The following CCDC83 variants were observed in gnomAD, a reference collection of about 807,000 sequenced individuals.
CCDC83 encodes coiled-coil domain containing 83.
CCDC83 carries 54 observed loss-of-function variants against 50.1 expected under a neutral mutation model. The observed-to-expected ratio is 1.08, with a 90% CI of 0.87 to 1.35. CCDC83 has a LOEUF of 1.35. Ranked by LOEUF, CCDC83 falls within the 40% of genes most tolerant of loss-of-function variation. The pLI is 0.00. For missense variants in CCDC83, 518 were observed against 473.9 expected, an observed-to-expected ratio of 1.09 and a Z score of -0.86; for synonymous variants, 161 against 153.3, an observed-to-expected ratio of 1.05 and a Z score of -0.37.
chr11:85,906,045 C>A (rs1290314131), intron 7 of CCDC83, among the ~76,000 whole-genome samples: 1 of 150,618 alleles, frequency 6.6e-6, no homozygotes, highest in Non-Finnish European at 1.5e-5. Context: ...AAAGTATGAT[C>A]CTAATCAAAT....
upstream of CCDC83, chr11:85,855,098 T>G (rs1481037577): frequency 6.6e-6 from 1 of 152,172 alleles, no homozygotes. Context: ...TCGGTTGCCT[T>G]GGAAATGCAG....
intron 2 of CCDC83, among the ~76,000 whole-genome samples, chr11:85,868,077 T>C (rs937272090): frequency 6.6e-6 from 1 of 152,214 alleles, no homozygotes; most frequent in Non-Finnish European, 1.5e-5. Flanking sequence ...AGTGAGCACA[T>C]AGTAGATAGT....
Position 85,899,026 on chromosome 11 carries a change from T to C in CCDC83, c.672+11T>C, listed in dbSNP as rs1392641055. ...TGGCTCAAAAAAGAGGTAAGTGGAA[T>C]TTATCAAAACAAACAATTTCTTCGT... is the stretch of plus-strand genomic sequence containing the variant. On this transcript the variant is annotated intron_variant, in intron 7 of 10. Coordinates refer to ENST00000342404, the MANE Select transcript of CCDC83 (RefSeq NM_001286159.2). 1 of 1,589,090 alleles carries C rather than the reference T, an allele frequency of 6.3e-7. No individual in the cohort carries two copies. The highest frequency in any genetic ancestry group is 1.1e-5 in the South Asian group (1 of 89,216).
intron 4 of CCDC83, among the ~76,000 whole-genome samples, chr11:85,883,677 G>T (rs1053927154): frequency 1.3e-5 from 2 of 152,214 alleles, no homozygotes; most frequent in South Asian, 4.2e-4. Context: ...TAACATCCCT[G>T]CTAGGAAGCT....
chr11:85,896,349 C>T (rs2093375181), intron 6 of CCDC83, among the ~76,000 whole-genome samples: 1 of 141,742 alleles, frequency 7.1e-6, no homozygotes, highest in Non-Finnish European at 1.5e-5. Flanking sequence ...TGTAGTGAGC[C>T]GTATTTGCGC....
Position 85,919,442 on chromosome 11 carries a change from A to G in CCDC83, c.1174A>G (p.Lys392Glu). ...TTTTCAAGAGAAGGAAATTCCAGTC[A>G]AACTCTATAAAGATGTCAGGAGCCC... ...IHFQEKEIPV[K>E]LYKDVRSPES... Residue 392 changes from lysine to glutamate, a missense_variant, in exon 11 of 11, where the codon AAA becomes GAA. Lys to Glu is a moderately conservative substitution (Grantham distance 56). Coordinates refer to ENST00000342404, the MANE Select transcript of CCDC83 (RefSeq NM_001286159.2). 5 of 1,613,366 alleles carry G rather than the reference A, an allele frequency of 3.1e-6. No homozygotes were observed. The highest frequency in any genetic ancestry group is 3.4e-6 in the Non-Finnish European group (4 of 1,179,350).
intron 5 of CCDC83, among the ~76,000 whole-genome samples, chr11:85,891,469 G>A (rs528159562): frequency 6.6e-6 from 1 of 152,148 alleles, no homozygotes; most frequent in African/African-American, 2.4e-5. Context: ...AAAGGAAAAG[G>A]AACCTTAGAA....
chr11:85,863,909 T>C (rs1300950438), intron 1 of CCDC83, among the ~76,000 whole-genome samples: 1 of 152,226 alleles, frequency 6.6e-6, no homozygotes, highest in Non-Finnish European at 1.5e-5. Flanking sequence ...TATGCCCTTT[T>C]TCTATATCTC....
chr11:85,911,536 A>G (rs1565156892), intron 8 of CCDC83, 134 bp downstream of exon 8: 2 of 693,842 alleles, frequency 2.9e-6, no homozygotes, highest in Admixed American at 3.4e-5. Context: ...GGGACAAAAA[A>G]AATGCTCATG....
At chr11:85,912,980 G>C (rs1565157629) in intron 8 of CCDC83, among the ~76,000 whole-genome samples, 1 of 152,170 alleles carries the variant, frequency 6.6e-6, no homozygotes, top group Non-Finnish European at 1.5e-5. Flanking sequence ...GGGAGACTGA[G>C]AAACTTTTAA....
intron 7 of CCDC83, 136 bp downstream of exon 7, chr11:85,899,151 GTCC>G: frequency 1.6e-6 from 1 of 616,380 alleles, no homozygotes. Flanking sequence ...TTCAAGTGGA[GTCC>G]TCATCTCATT....
intron 6 of CCDC83, among the ~76,000 whole-genome samples, chr11:85,896,663 C>T (rs2093377232): frequency 6.6e-6 from 1 of 152,108 alleles, no homozygotes; most frequent in East Asian, 1.9e-4. Flanking sequence ...ATATTCTACA[C>T]TGCTGGCACT....
intron 3 of CCDC83, among the ~76,000 whole-genome samples, 188 bp downstream of exon 3, chr11:85,873,483 T>G (rs1021323059): frequency 9.9e-5 from 15 of 152,226 alleles, no homozygotes; most frequent in African/African-American, 3.6e-4. Context: ...TCCCATTATA[T>G]TAGTTATAAT....
At position 85,856,164 on chromosome 11, in the gene CCDC83, A is replaced by G. The variant is rs185840880; in HGVS notation, c.-29+580A>G. Among the ~76,000 whole-genome samples the G allele has an allele frequency of 6.4e-3, 966 of 150,538 alleles. 4 individuals are homozygous for G. Among genetic ancestry groups the G allele is most frequent in the African/African-American group, 7.9e-3 (325 of 40,962 alleles). On this transcript the variant is annotated intron_variant, in intron 1 of 10. Transcript: ENST00000342404. ...GTTGAGGAAGTGATTAAGAGATGGG[A>G]AAAAGTGCCCTATCTAAGCCAAAAA...
At chr11:85,876,568 G>A (rs180846466) in intron 3 of CCDC83, among the ~76,000 whole-genome samples, 101 of 152,266 alleles carry the variant, frequency 6.6e-4, no homozygotes, top group African/African-American at 2.2e-3. Context: ...GCAGTGGCGC[G>A]ATCTCTGCTC....
At chr11:85,916,373 C>T (rs1008259624) in intron 10 of CCDC83, 140 bp downstream of exon 10, 1 of 694,904 alleles carries the variant, frequency 1.4e-6, no homozygotes, top group Non-Finnish European at 2.5e-6. Context: ...CCACCATTCA[C>T]ATCTCTCATT....
Position 85,899,007 on chromosome 11 carries a change from A to G in CCDC83, c.664A>G (p.Lys222Glu), listed in dbSNP as rs1166182891. The G allele has an allele frequency of 6.2e-7, 1 of 1,605,186 alleles. No individual in the cohort carries two copies. Residue 222 changes from lysine (K) to glutamate (E), a missense_variant, in exon 7 of 11, where the codon AAA becomes GAA. Coordinates refer to ENST00000342404, the MANE Select transcript of CCDC83 (RefSeq NM_001286159.2). ...AGAGATCTGGGAGAATGACTGGCTC[A>G]AAAAAGAGGTAAGTGGAATTTATCA... ...YLEIWENDWL[K>E]KEVAIHRKEV...
At chr11:85,897,022 G>A (rs1420526142) in intron 6 of CCDC83, among the ~76,000 whole-genome samples, 1 of 152,180 alleles carries the variant, frequency 6.6e-6, no homozygotes, top group Non-Finnish European at 1.5e-5. Context: ...TTGGAAAACT[G>A]ATCAGCAATT....
intron 7 of CCDC83, among the ~76,000 whole-genome samples, chr11:85,906,764 G>T (rs990074646): frequency 6.6e-6 from 1 of 151,810 alleles, no homozygotes; most frequent in African/African-American, 2.4e-5. Context: ...ACACATCTGT[G>T]GTCCCAGCTA....
Sources: allele counts gnomAD v4.1 joint callset (sites outside exome capture counted in the v4.1 genomes callset), GRCh38; gene constraint gnomAD v4.1.1; transcripts MANE v1.5; gene names NCBI Gene and HGNC (gene_info 2026-07-23, HGNC 2026-07-21).